The following TMEM132B variants were observed in gnomAD, a reference collection of about 807,000 sequenced individuals.
TMEM132B encodes the protein transmembrane protein 132B.
In TMEM132B, 18 loss-of-function variants were observed where a neutral mutation model predicts 90.8. The observed-to-expected ratio is 0.20, with a 90% CI of 0.14 to 0.29. The LOEUF (loss-of-function observed/expected upper bound fraction) is 0.29, where lower values mean the gene tolerates loss of function less well. TMEM132B is among the 10% of genes least tolerant of loss of function. The probability of loss-of-function intolerance (pLI) is 1.00; values close to 1 mark genes in which losing one functional copy is unlikely to be tolerated. For missense variants in TMEM132B, 1,096 were observed against 1,326.8 expected (o/e 0.83, Z 2.70); for synonymous variants, 504 against 523.3 (o/e 0.96, Z 0.50).
intron 3 of TMEM132B, among the ~76,000 whole-genome samples, chr12:125,450,780 A>T (rs1182191311): frequency 6.6e-6 from 1 of 152,170 alleles, no homozygotes; most frequent in East Asian, 1.9e-4. Flanking sequence ...ACTGAGCAAT[A>T]CCTTGACTAT....
At chr12:125,476,158 T>C (rs545428030) in intron 3 of TMEM132B, among the ~76,000 whole-genome samples, 80 of 152,318 alleles carry the variant, frequency 5.3e-4, no homozygotes, top group African/African-American at 1.9e-3. Flanking sequence ...AAAATTATAT[T>C]TTTCTATTGA....
At chr12:125,385,311 T>C (rs1376113031) in intron 2 of TMEM132B, among the ~76,000 whole-genome samples, 1 of 152,036 alleles carries the variant, frequency 6.6e-6, no homozygotes. Context: ...AAAAAAAAAC[T>C]GTGTGAGAGT....
intron 5 of TMEM132B, chr12:125,622,570 G>C: frequency 3.0e-6 from 3 of 985,462 alleles, no homozygotes; most frequent in Non-Finnish European, 3.6e-6. Context: ...TCGGTGACTT[G>C]CTCAGCCTGA....
At chr12:125,215,227 C>G (rs554605105) in intron 1 of TMEM132B, among the ~76,000 whole-genome samples, 5 of 152,328 alleles carry the variant, frequency 3.3e-5, no homozygotes, top group African/African-American at 9.6e-5. Flanking sequence ...TTTGCCACTA[C>G]CTTAATTTCC....
At chr12:125,453,078 C>CACAG (rs764903636) in intron 3 of TMEM132B, among the ~76,000 whole-genome samples, 1,262 of 85,886 alleles carry the variant, frequency 0.015, 15 homozygotes, top group African/African-American at 0.062. Flanking sequence ...TTCAGTAAAA[C>CACAG]ACACACACAC....
chr12:125,628,232 T>G (rs1210708421), intron 5 of TMEM132B, among the ~76,000 whole-genome samples: 1 of 152,186 alleles, frequency 6.6e-6, no homozygotes, highest in Non-Finnish European at 1.5e-5. Context: ...CCAAATTTTC[T>G]CCACAGCAGT....
intron 1 of TMEM132B, among the ~76,000 whole-genome samples, chr12:125,254,111 G>A (rs1216071549): frequency 6.6e-6 from 1 of 152,056 alleles, no homozygotes; most frequent in Non-Finnish European, 1.5e-5. Context: ...ACAACATAGT[G>A]AGACCCCATC....
intron 2 of TMEM132B, among the ~76,000 whole-genome samples, chr12:125,377,268 G>T (rs915405948): frequency 6.6e-6 from 1 of 152,210 alleles, no homozygotes; most frequent in African/African-American, 2.4e-5. Context: ...GCTGGGCTGA[G>T]ACAGCAGGGA....
At chr12:125,369,430 G>A (rs1011122218) in intron 2 of TMEM132B, among the ~76,000 whole-genome samples, 1 of 152,164 alleles carries the variant, frequency 6.6e-6, no homozygotes, top group Non-Finnish European at 1.5e-5. Context: ...TACAAATTTA[G>A]GTGTGTTTGG....
At chr12:125,254,969 G>A (rs1874402243) in intron 1 of TMEM132B, among the ~76,000 whole-genome samples, 1 of 152,158 alleles carries the variant, frequency 6.6e-6, no homozygotes, top group African/African-American at 2.4e-5. Context: ...ACAGGTGTGA[G>A]CCACTGTGCC....
Position 125,326,598 on chromosome 12 carries a change from C to T in TMEM132B, c.68-22854C>T, listed in dbSNP as rs769905678. On this transcript the variant is annotated intron_variant, in intron 1 of 8. Coordinates refer to ENST00000682704, the MANE Select transcript of TMEM132B (RefSeq NM_001366854.1). ...AATAAAGCTGAAGATTTGGTGCCCT[C>T]GCCTCAGCTCCAGACTCTACGGGAA... 1.4e-5 allele frequency: 23 copies of T among 1,599,040 alleles called. 1 individual carries two copies. The highest frequency in any genetic ancestry group is 1.0e-4 in the South Asian group (9 of 87,456).
intron 2 of TMEM132B, among the ~76,000 whole-genome samples, chr12:125,397,493 A>T (rs1371691197): frequency 6.6e-6 from 1 of 152,218 alleles, no homozygotes; most frequent in Non-Finnish European, 1.5e-5. Flanking sequence ...CCAGGTTCCC[A>T]TGAAACACTA....
chr12:125,198,483 G>C (rs919396651), intron 1 of TMEM132B, among the ~76,000 whole-genome samples: 1 of 152,162 alleles, frequency 6.6e-6, no homozygotes, highest in African/African-American at 2.4e-5. Flanking sequence ...TCCAACCAGC[G>C]GAAATAGAAT....
chr12:125,380,350 C>G (rs555087750), intron 2 of TMEM132B, among the ~76,000 whole-genome samples: 1 of 152,298 alleles, frequency 6.6e-6, no homozygotes, highest in African/African-American at 2.4e-5. Context: ...TTGGGACTCA[C>G]TGTAACCCAG....
intron 4 of TMEM132B, among the ~76,000 whole-genome samples, chr12:125,540,364 G>T (rs1883920763): frequency 6.6e-6 from 1 of 152,154 alleles, no homozygotes; most frequent in Non-Finnish European, 1.5e-5. Flanking sequence ...AGTCCTTGCT[G>T]ATTCTTTTCC....
chr12:125,416,137 G>C (rs371381786), intron 3 of TMEM132B, among the ~76,000 whole-genome samples: 1 of 152,094 alleles, frequency 6.6e-6, no homozygotes, highest in Non-Finnish European at 1.5e-5. Flanking sequence ...GTCTTCTCTC[G>C]TTCAGACACC....
At chr12:125,229,915 C>T (rs1265899071) in intron 1 of TMEM132B, among the ~76,000 whole-genome samples, 1 of 152,244 alleles carries the variant, frequency 6.6e-6, no homozygotes, top group Non-Finnish European at 1.5e-5. Context: ...AAGGGTCTCC[C>T]TAAGGGCATG....
chr12:125,268,826 C>A (rs918212007), intron 1 of TMEM132B, among the ~76,000 whole-genome samples: 8 of 152,146 alleles, frequency 5.3e-5, no homozygotes, highest in Non-Finnish European at 8.8e-5. Flanking sequence ...GAAAGACTAG[C>A]GAGGCTCTGA....
At chr12:125,279,546 A>G (rs1875100357) in intron 1 of TMEM132B, among the ~76,000 whole-genome samples, 1 of 152,196 alleles carries the variant, frequency 6.6e-6, no homozygotes, top group Non-Finnish European at 1.5e-5. Flanking sequence ...CAGAAACAGC[A>G]TGCATATGTT....
Sources: allele counts gnomAD v4.1 joint callset (sites outside exome capture counted in the v4.1 genomes callset), GRCh38; gene constraint gnomAD v4.1.1; transcripts MANE v1.5; gene names NCBI Gene and HGNC (gene_info 2026-07-23, HGNC 2026-07-21).